RGS7: variants seen among roughly 807,000 people sequenced by gnomAD.
The protein encoded by RGS7 is regulator of G-protein signaling 7.
A neutral mutation model predicts 81.1 loss-of-function variants in RGS7; 27 were observed. The observed-to-expected ratio is 0.33, with a 90% CI of 0.25 to 0.46. The LOEUF (loss-of-function observed/expected upper bound fraction) is 0.46, where lower values mean the gene tolerates loss of function less well. RGS7 is among the 20% of genes least tolerant of loss of function. The pLI, the probability that RGS7 is intolerant of heterozygous loss-of-function variation, is 1.00. For missense variants in RGS7, 396 were observed against 607.4 expected (o/e 0.65, Z 3.66); for synonymous variants, 208 against 207.7 (o/e 1.00, Z -0.01).
chr1:241,281,596 G>T (rs2078516674), intron 2 of RGS7, among the ~76,000 whole-genome samples: 1 of 152,158 alleles, frequency 6.6e-6, no homozygotes, highest in African/African-American at 2.4e-5. Flanking sequence ...CATAGATTGA[G>T]GCCTGCAGCT....
At chr1:240,940,373 C>T (rs1258770486) in intron 4 of RGS7, among the ~76,000 whole-genome samples, 2 of 152,122 alleles carry the variant, frequency 1.3e-5, no homozygotes, top group African/African-American at 2.4e-5. Flanking sequence ...GCCTGGTATC[C>T]ACCTGGTCTC....
intron 6 of RGS7, among the ~76,000 whole-genome samples, chr1:240,910,392 T>A (rs1671554272): frequency 6.6e-6 from 1 of 152,056 alleles, no homozygotes; most frequent in East Asian, 1.9e-4. Context: ...AAATAGTTGA[T>A]CTTACAGAAG....
intron 2 of RGS7, among the ~76,000 whole-genome samples, chr1:241,143,310 G>C: frequency 6.6e-6 from 1 of 152,260 alleles, no homozygotes; most frequent in South Asian, 2.1e-4. Flanking sequence ...TCAATTTACT[G>C]TATTAGTCCA....
At chr1:241,264,363 T>C (rs1293838417) in intron 2 of RGS7, among the ~76,000 whole-genome samples, 2 of 152,114 alleles carry the variant, frequency 1.3e-5, no homozygotes, top group East Asian at 3.9e-4. Flanking sequence ...CTGGCTGTGG[T>C]GGCGTGCACC....
At chr1:241,295,323 C>T (rs2079352873) in intron 2 of RGS7, among the ~76,000 whole-genome samples, 1 of 150,936 alleles carries the variant, frequency 6.6e-6, no homozygotes, top group African/African-American at 2.4e-5. Flanking sequence ...CATGGTGGTG[C>T]ATGCCTGAAA....
At position 240,800,760 on chromosome 1, in the gene RGS7, T is replaced by TAC. The variant is rs745888026; in HGVS notation, c.1414-41_1414-40dup. The TAC allele has an allele frequency of 1.8e-5, 23 of 1,303,124 alleles. No homozygotes were observed. In the East Asian group the frequency reaches 3.6e-4, roughly 20 times the overall value. 80.7% of individuals were successfully genotyped at this position (1,303,124 alleles called of 1,614,324 possible). On this transcript the variant is annotated intron_variant, in intron 17 of 18. Coordinates refer to ENST00000440928, the MANE Select transcript of RGS7 (RefSeq NM_001364886.1). ...TGTGTTGAAGGCTTTAGTTTGAGCT[T>TAC]ACACAATGTCAGAAAGTTCCAAAGG...
At chr1:240,988,714 C>T (rs1686023718) in intron 3 of RGS7, among the ~76,000 whole-genome samples, 1 of 152,200 alleles carries the variant, frequency 6.6e-6, no homozygotes, top group South Asian at 2.1e-4. Context: ...AGCCCAGCTA[C>T]AGACTATGTT....
chr1:240,811,719 A>G (rs1303765849), intron 14 of RGS7, among the ~76,000 whole-genome samples, 199 bp downstream of exon 14: 1 of 152,240 alleles, frequency 6.6e-6, no homozygotes, highest in African/African-American at 2.4e-5. Context: ...CGGCGTAAAA[A>G]TAAGTTATAA....
chr1:241,124,199 G>C (rs977729729), intron 2 of RGS7, among the ~76,000 whole-genome samples: 1 of 151,212 alleles, frequency 6.6e-6, no homozygotes, highest in Non-Finnish European at 1.5e-5. Flanking sequence ...TTCAAGATCA[G>C]CCTGGGCAAC....
chr1:241,226,412 G>C (rs765452225), intron 2 of RGS7, among the ~76,000 whole-genome samples: 2 of 152,164 alleles, frequency 1.3e-5, no homozygotes, highest in African/African-American at 4.8e-5. Flanking sequence ...TGGTAGTTAG[G>C]ATGATTGGAT....
rs540201581 is a variant in RGS7 at position 241,260,037 on chromosome 1, C to T, written c.78+95662G>A. ...TACCTTCCAGTCCTATATTCTTTAG[C>T]TACACCACACTGTCTGCCATCCATA... On this transcript the variant is annotated intron_variant, in intron 2 of 18. Transcript: ENST00000440928. Among the ~76,000 whole-genome samples the T allele has an allele frequency of 2.8e-4, 42 of 152,254 alleles. No homozygotes were observed. The South Asian group carries it at 6.6e-3, about 24-fold the overall frequency.
intron 2 of RGS7, among the ~76,000 whole-genome samples, chr1:241,315,107 C>CTTCT (rs2080790774): frequency 1.7e-5 from 1 of 57,442 alleles, no homozygotes; most frequent in African/African-American, 7.5e-5. Flanking sequence ...TCTTCTTCTT[C>CTTCT]TTTTTTTTTT....
chr1:240,912,391 A>C (rs1325059259), intron 6 of RGS7, among the ~76,000 whole-genome samples: 1 of 152,180 alleles, frequency 6.6e-6, no homozygotes, highest in African/African-American at 2.4e-5. Flanking sequence ...TTACACTTTA[A>C]TGTACATCTG....
chr1:241,284,898 T>C (rs1188970965), intron 2 of RGS7, among the ~76,000 whole-genome samples: 2 of 151,768 alleles, frequency 1.3e-5, no homozygotes, highest in Admixed American at 6.6e-5. Context: ...TGAGATGGAG[T>C]CTCCCTCTGT....
rs183986973 is a variant in RGS7, at chr1:241,284,311, G to T, written c.78+71388C>A. 2.3e-4 allele frequency among the ~76,000 whole-genome samples: 35 copies of T among 152,178 alleles called. 1 individual carries two copies. In the East Asian group the frequency reaches 6.8e-3, roughly 29 times the overall value. ...ACTTCTTTGGCAGGGAAGAGAAGAGGAACCACCCCATGACTACCAGTTGGA... is the reference window on the plus strand; with the variant it reads ...ACTTCTTTGGCAGGGAAGAGAAGAGTAACCACCCCATGACTACCAGTTGGA... On this transcript the variant is annotated intron_variant, in intron 2 of 18. Transcript: ENST00000440928.
At chr1:240,789,252 C>T (rs1405660601) in intron 18 of RGS7, among the ~76,000 whole-genome samples, 2 of 152,114 alleles carry the variant, frequency 1.3e-5, no homozygotes, top group Non-Finnish European at 2.9e-5. Flanking sequence ...TCTCTTAATC[C>T]CGTCATCTTC....
chr1:241,182,448 A>G (rs2071702947), intron 2 of RGS7, among the ~76,000 whole-genome samples: 2 of 152,158 alleles, frequency 1.3e-5, no homozygotes, highest in Admixed American at 6.5e-5. Flanking sequence ...CACAACCCCC[A>G]GCTCCGTCAA....
At chr1:241,291,570 C>CTTTTTTTTTTTT (rs397947911) in intron 2 of RGS7, among the ~76,000 whole-genome samples, 12 of 94,158 alleles carry the variant, frequency 1.3e-4, no homozygotes, top group East Asian at 4.0e-4. Context: ...GAATTCCCAG[C>CTTTTTTTTTTTT]TTTTTTTTTT....
At chr1:241,020,660 A>T (rs1185253241) in intron 3 of RGS7, among the ~76,000 whole-genome samples, 3 of 152,178 alleles carry the variant, frequency 2.0e-5, no homozygotes, top group Non-Finnish European at 4.4e-5. Context: ...ATCTTCTATA[A>T]TGTATTAGTT....
Sources: allele counts gnomAD v4.1 joint callset (sites outside exome capture counted in the v4.1 genomes callset), GRCh38; gene constraint gnomAD v4.1.1; transcripts MANE v1.5; gene names NCBI Gene and HGNC (gene_info 2026-07-23, HGNC 2026-07-21).